MAML2: variants seen among roughly 807,000 people sequenced by gnomAD.
MAML2 encodes the protein mastermind-like protein 2.
In MAML2, 22 loss-of-function variants were observed where a neutral mutation model predicts 96.1. The ratio of observed to expected loss-of-function variants is 0.23; its 90% CI spans 0.16 to 0.33. The LOEUF (loss-of-function observed/expected upper bound fraction) is 0.33, where lower values mean the gene tolerates loss of function less well. Among genes scored for constraint, MAML2 ranks in the 10% least tolerant of loss-of-function variants. The probability of loss-of-function intolerance (pLI) is 1.00; values close to 1 mark genes in which losing one functional copy is unlikely to be tolerated. For missense variants in MAML2, 1,367 were observed against 1,392.4 expected, an observed-to-expected ratio of 0.98 and a Z score of 0.29; for synonymous variants, 561 against 521.3, an observed-to-expected ratio of 1.08 and a Z score of -1.04.
At chr11:96,089,454 A>G (rs1684989317) in intron 2 of MAML2, among the ~76,000 whole-genome samples, 1 of 152,176 alleles carries the variant, frequency 6.6e-6, no homozygotes, top group African/African-American at 2.4e-5. Context: ...CCAAAGCAGC[A>G]TTACCTGACT....
chr11:96,078,292 C>A (rs1019546172), intron 2 of MAML2, among the ~76,000 whole-genome samples: 1 of 152,024 alleles, frequency 6.6e-6, no homozygotes, highest in Non-Finnish European at 1.5e-5. Context: ...TTCTAGAAAT[C>A]ATGGATAGTA....
At chr11:96,193,380 A>C (rs76623241) in intron 1 of MAML2, among the ~76,000 whole-genome samples, 16,770 of 152,154 alleles carry the variant, frequency 0.11, 1,041 homozygotes, top group Middle Eastern at 0.2. Flanking sequence ...ACAACAACAA[A>C]AAAAAATGTG....
intron 1 of MAML2, among the ~76,000 whole-genome samples, chr11:96,329,333 C>A (rs563405285): frequency 1.3e-5 from 2 of 152,290 alleles, no homozygotes; most frequent in East Asian, 3.9e-4. Context: ...GGGTATTCAA[C>A]AATTAATATG....
chr11:96,288,019 C>G (rs1365012961), intron 1 of MAML2, among the ~76,000 whole-genome samples: 1 of 152,108 alleles, frequency 6.6e-6, no homozygotes, highest in African/African-American at 2.4e-5. Context: ...TCCTGATACA[C>G]TTTCACCATG....
chr11:96,065,650 T>C (rs180690063), intron 2 of MAML2, among the ~76,000 whole-genome samples: 97 of 152,370 alleles, frequency 6.4e-4, no homozygotes, highest in African/African-American at 2.1e-3. Context: ...AGTAACTGCT[T>C]GTCATAAGTG....
intron 1 of MAML2, among the ~76,000 whole-genome samples, chr11:96,177,430 G>A (rs996308159): frequency 3.3e-5 from 5 of 152,284 alleles, no homozygotes; most frequent in East Asian, 3.9e-4. Flanking sequence ...CACAACATAC[G>A]TGGTAATGAG....
At chr11:96,158,667 C>A (rs908101710) in intron 1 of MAML2, among the ~76,000 whole-genome samples, 8 of 152,210 alleles carry the variant, frequency 5.3e-5, no homozygotes, top group Non-Finnish European at 1.0e-4. Flanking sequence ...ATGGTCAAGA[C>A]TGAGACTACC....
intron 1 of MAML2, among the ~76,000 whole-genome samples, chr11:96,100,218 T>C (rs1454418925): frequency 6.6e-6 from 1 of 152,228 alleles, no homozygotes; most frequent in Non-Finnish European, 1.5e-5. Flanking sequence ...AACTCGTACT[T>C]TCACTCCTTC....
At chr11:96,216,390 A>G (rs1190382474) in intron 1 of MAML2, among the ~76,000 whole-genome samples, 2 of 152,122 alleles carry the variant, frequency 1.3e-5, no homozygotes, top group African/African-American at 4.8e-5. Flanking sequence ...CTTAAGTCCC[A>G]CCTCAAATTT....
chr11:96,019,362 A>C (rs767977816), intron 2 of MAML2, among the ~76,000 whole-genome samples: 7 of 152,142 alleles, frequency 4.6e-5, no homozygotes, highest in Non-Finnish European at 8.8e-5. Flanking sequence ...GATCATAACA[A>C]TCATTTTGAA....
chr11:96,315,695 G>A (rs965501316), intron 1 of MAML2, among the ~76,000 whole-genome samples: 6 of 152,086 alleles, frequency 3.9e-5, no homozygotes, highest in African/African-American at 1.4e-4. Context: ...TACCCAGAAG[G>A]CCCAACAGAG....
At chr11:96,140,100 C>T (rs976896923) in intron 1 of MAML2, among the ~76,000 whole-genome samples, 2 of 152,234 alleles carry the variant, frequency 1.3e-5, no homozygotes, top group African/African-American at 2.4e-5. Flanking sequence ...CTTCCTGCCT[C>T]CATAGATGAT....
At chr11:96,107,766 T>C (rs1460409177) in intron 1 of MAML2, among the ~76,000 whole-genome samples, 1 of 152,148 alleles carries the variant, frequency 6.6e-6, no homozygotes, top group Non-Finnish European at 1.5e-5. Flanking sequence ...GTCTATGTAA[T>C]GAGGCTTCCA....
intron 1 of MAML2, among the ~76,000 whole-genome samples, chr11:96,147,828 A>T (rs1860843858): frequency 6.6e-6 from 1 of 152,206 alleles, no homozygotes; most frequent in African/African-American, 2.4e-5. Flanking sequence ...TTCGGAGCAA[A>T]GTATGCACTT....
chr11:96,063,042 T>C (rs1859191341), intron 2 of MAML2, among the ~76,000 whole-genome samples: 1 of 152,212 alleles, frequency 6.6e-6, no homozygotes, highest in Non-Finnish European at 1.5e-5. Flanking sequence ...CAAAGTCTTT[T>C]ATGATTTGGT....
intron 1 of MAML2, among the ~76,000 whole-genome samples, chr11:96,276,466 G>A (rs1354332051): frequency 2.6e-5 from 4 of 152,128 alleles, no homozygotes. Flanking sequence ...ACAGAGGACC[G>A]CATTTAAGGA....
chr11:96,329,789 G>C (rs1209277096), intron 1 of MAML2, among the ~76,000 whole-genome samples: 1 of 152,116 alleles, frequency 6.6e-6, no homozygotes, highest in Non-Finnish European at 1.5e-5. Context: ...TATTTGTTGT[G>C]AAGGCTAAGA....
At chr11:96,126,765 A>G (rs116905650) in intron 1 of MAML2, among the ~76,000 whole-genome samples, 145 of 152,330 alleles carry the variant, frequency 9.5e-4, no homozygotes, top group Non-Finnish European at 1.3e-3. Flanking sequence ...ATCCAATTAT[A>G]TATTCATTGA....
At chr11:95,981,148 G>A (rs568410845) in intron 4 of MAML2, among the ~76,000 whole-genome samples, 40 of 152,240 alleles carry the variant, frequency 2.6e-4, no homozygotes, top group African/African-American at 6.5e-4. Context: ...CCTTTTTGCC[G>A]AATAAATTCC....
Sources: gnomAD v4.1 joint callset for allele counts (sites outside exome capture counted in the v4.1 genomes callset) on GRCh38, gnomAD v4.1.1 for gene constraint, MANE v1.5 for transcripts, NCBI Gene and HGNC (gene_info 2026-07-23, HGNC 2026-07-21) for gene names.